ERBB4: variants seen among roughly 807,000 people sequenced by gnomAD.
ERBB4 encodes erb-b2 receptor tyrosine kinase 4.
ERBB4 carries 42 observed loss-of-function variants against 158.0 expected under a neutral mutation model. That is an observed-to-expected ratio of 0.27 (90% confidence interval 0.21 to 0.34). The LOEUF (loss-of-function observed/expected upper bound fraction) is 0.34, where lower values mean the gene tolerates loss of function less well. ERBB4 is among the 10% of genes least tolerant of loss of function. The pLI is 1.00. For missense variants in ERBB4, 1,333 were observed against 1,624.1 expected (o/e 0.82, Z 3.08); for synonymous variants, 583 against 558.7 (o/e 1.04, Z -0.61).
intron 1 of ERBB4, among the ~76,000 whole-genome samples, chr2:212,447,682 T>G (rs1370683319): frequency 2.6e-5 from 4 of 152,142 alleles, no homozygotes; most frequent in Non-Finnish European, 4.4e-5. Context: ...GTATGGATAT[T>G]CTAATACACA....
chr2:212,437,184 C>G lies in ERBB4; in HGVS notation c.82+101265G>C, dbSNP rs115873574. On this transcript the variant is annotated intron_variant, in intron 1 of 27. Coordinates refer to ENST00000342788, the MANE Select transcript of ERBB4 (RefSeq NM_005235.3). ...TGGTGGTCTTTTTTCTGCATTCCCC[C>G]CATTAAGTACTGCTCCTAAATAAGT... 8.5e-3 allele frequency among the ~76,000 whole-genome samples: 1,293 copies of G among 152,100 alleles called. 6 individuals carry two copies. The highest frequency in any genetic ancestry group is 0.014 in the Non-Finnish European group (969 of 67,942).
chr2:212,449,276 A>T (rs1022178138), intron 1 of ERBB4, among the ~76,000 whole-genome samples: 2 of 152,180 alleles, frequency 1.3e-5, no homozygotes, highest in African/African-American at 4.8e-5. Flanking sequence ...TTAATCAACT[A>T]AAATACATCA....
In ERBB4 at chr2:211,702,030, T is replaced by C. The variant is rs754240931; in HGVS notation, c.1426A>G (p.Thr476Ala). The C allele has an allele frequency of 2.5e-6, 4 of 1,614,082 alleles. No homozygotes were observed. The East Asian group carries it at 6.7e-5, about 27-fold the overall frequency. Residue 476 changes from threonine (T) to alanine (A), a missense_variant, in exon 12 of 28, where the codon ACA (threonine) becomes GCA (alanine). Thr to Ala is a moderately conservative substitution (Grantham distance 58). This residue lies in a region of ERBB4 where 245 missense variants were observed against 247.5 expected (regional missense o/e 0.99). Coordinates refer to ENST00000342788, the MANE Select transcript of ERBB4 (RefSeq NM_005235.3). The stretch of plus-strand genomic sequence containing the variant: ...CTCTGGTTGATTGTGCTGAAGAGTG[T>C]TGTCCAGTTAATGGTATGATAATAA... ...LCYYHTINWT[T>A]LFSTINQRIV...
At chr2:211,474,019 G>C (rs920930944) in intron 20 of ERBB4, among the ~76,000 whole-genome samples, 2 of 151,850 alleles carry the variant, frequency 1.3e-5, no homozygotes, top group Non-Finnish European at 2.9e-5. Flanking sequence ...CTTCTTTGAG[G>C]ATTAAAAGGG....
chr2:211,493,884 A>G (rs2065406369), intron 20 of ERBB4, among the ~76,000 whole-genome samples: 1 of 152,152 alleles, frequency 6.6e-6, no homozygotes, highest in African/African-American at 2.4e-5. Context: ...TGATAAAAAC[A>G]CAAACTGCCT....
At chr2:211,964,949 A>C (rs1296062050) in intron 2 of ERBB4, among the ~76,000 whole-genome samples, 1 of 152,146 alleles carries the variant, frequency 6.6e-6, no homozygotes, top group Non-Finnish European at 1.5e-5. Flanking sequence ...TTAGAATATA[A>C]AATTTAATGT....
chr2:211,400,246 G>A (rs946549303), intron 25 of ERBB4, among the ~76,000 whole-genome samples: 7 of 152,072 alleles, frequency 4.6e-5, no homozygotes, highest in Non-Finnish European at 8.8e-5. Context: ...TTATAAGCTC[G>A]TGTTTATGAT....
At chr2:212,112,425 C>G (rs1231119249) in intron 2 of ERBB4, among the ~76,000 whole-genome samples, 3 of 151,972 alleles carry the variant, frequency 2.0e-5, no homozygotes, top group African/African-American at 7.3e-5. Context: ...CTTTTTCAAT[C>G]TAGTTCCGAA....
At position 211,856,416 on chromosome 2, in the gene ERBB4, C is replaced by T. The variant is rs939306593; in HGVS notation, c.422-68257G>A. 6.3e-5 allele frequency among the ~76,000 whole-genome samples: 8 copies of T among 127,922 alleles called. No individual in the cohort carries two copies. The East Asian group carries it at 7.2e-4, about 12-fold the overall frequency. The allele number at this position is 127,922 out of a possible 152,430, so 83.9% of individuals were successfully genotyped here. On this transcript the variant is annotated intron_variant, in intron 3 of 27. Transcript: ENST00000342788. The stretch of plus-strand genomic sequence containing the variant: ...TATTTATTTATCTGAGATGGAGTCT[C>T]GCTCTGTCGCCCAGGCTGGAGTGCA...
intron 17 of ERBB4, among the ~76,000 whole-genome samples, chr2:211,626,853 A>G (rs2069868840): frequency 6.6e-6 from 1 of 152,020 alleles, no homozygotes; most frequent in Admixed American, 6.6e-5. Flanking sequence ...TGAACCCAGG[A>G]GGCGGAGCTT....
intron 3 of ERBB4, among the ~76,000 whole-genome samples, chr2:211,816,644 G>A (rs1178688692): frequency 2.0e-5 from 3 of 149,812 alleles, no homozygotes; most frequent in African/African-American, 7.4e-5. Context: ...AAAACTTATT[G>A]ACCATGTTGG....
chr2:211,878,031 C>G (rs2078555744), intron 3 of ERBB4, among the ~76,000 whole-genome samples: 2 of 152,138 alleles, frequency 1.3e-5, no homozygotes. Context: ...TATCTTGAAC[C>G]CAGGAGGCAG....
chr2:212,358,164 T>TA (rs2089537159), intron 1 of ERBB4, among the ~76,000 whole-genome samples: 1 of 151,846 alleles, frequency 6.6e-6, no homozygotes, highest in East Asian at 1.9e-4. Flanking sequence ...TACATTTTTT[T>TA]AAAAAGAACT....
At chr2:212,207,892 T>C (rs1229128838) in intron 1 of ERBB4, among the ~76,000 whole-genome samples, 2 of 152,092 alleles carry the variant, frequency 1.3e-5, no homozygotes, top group African/African-American at 4.8e-5. Context: ...GCCATTCTTT[T>C]CTAAAAAGTA....
chr2:211,827,828 A>AT (rs1309955931), intron 3 of ERBB4, among the ~76,000 whole-genome samples: 1 of 152,034 alleles, frequency 6.6e-6, no homozygotes, highest in Non-Finnish European at 1.5e-5. Context: ...CAATTATTTT[A>AT]TTTTTATTAT....
intron 1 of ERBB4, among the ~76,000 whole-genome samples, chr2:212,486,442 T>C (rs1409015082): frequency 6.6e-6 from 1 of 152,124 alleles, no homozygotes; most frequent in Non-Finnish European, 1.5e-5. Context: ...AATGTTGTAT[T>C]TGTTTTCATG....
intron 2 of ERBB4, among the ~76,000 whole-genome samples, chr2:212,058,098 T>C (rs1314997862): frequency 6.6e-6 from 1 of 152,066 alleles, no homozygotes; most frequent in Non-Finnish European, 1.5e-5. Flanking sequence ...TAAAAAATGA[T>C]AAAGGGGATA....
rs111686959 is a variant in ERBB4, at chr2:211,455,495, A to T, written c.2488-24395T>A. ...GCCAATTGAAATCAGTTCCTTCACC[A>T]TTAGAACAAGGGGAAAAAAGGGAAA... is the stretch of plus-strand genomic sequence containing the variant. On this transcript the variant is annotated intron_variant, in intron 20 of 27. Transcript: ENST00000342788. Among the ~76,000 whole-genome samples, 7 of 152,302 alleles carry T rather than the reference A, an allele frequency of 4.6e-5. 1 individual carries two copies. Among genetic ancestry groups the T allele is most frequent in the African/African-American group, 1.7e-4 (7 of 41,588 alleles).
chr2:211,468,278 AAC>A (rs915311294), intron 20 of ERBB4, among the ~76,000 whole-genome samples: 5 of 152,278 alleles, frequency 3.3e-5, no homozygotes, highest in Middle Eastern at 3.4e-3. Flanking sequence ...CAGAATATTT[AAC>A]AGAGAGAAAG....
Sources: allele counts gnomAD v4.1 joint callset (sites outside exome capture counted in the v4.1 genomes callset), GRCh38; gene constraint gnomAD v4.1.1; regional missense constraint gnomAD v4.1.1; transcripts MANE v1.5; gene names NCBI Gene and HGNC (gene_info 2026-07-23, HGNC 2026-07-21).